The following ADCY10 variants were observed in gnomAD, a reference collection of about 807,000 sequenced individuals.
ADCY10 encodes adenylate cyclase type 10.
Under a neutral mutation model 183.3 loss-of-function variants are expected in ADCY10, and 156 were observed. The ratio of observed to expected loss-of-function variants is 0.85; its 90% CI spans 0.75 to 0.97. ADCY10 has a LOEUF of 0.97. Ranked by LOEUF, ADCY10 falls within the 50% of genes least tolerant of loss-of-function variation. The pLI is 0.00. For missense variants in ADCY10, 1,745 were observed against 1,934.3 expected (o/e 0.90, Z 1.84); for synonymous variants, 645 against 670.0 (o/e 0.96, Z 0.58).
At chr1:167,909,124 T>G (rs535682554) in intron 1 of ADCY10, among the ~76,000 whole-genome samples, 2 of 152,312 alleles carry the variant, frequency 1.3e-5, no homozygotes, top group East Asian at 3.9e-4. Context: ...ATAGATCACC[T>G]TTGCCAGTTT....
intron 25 of ADCY10, among the ~76,000 whole-genome samples, chr1:167,831,816 A>G (rs999747700): frequency 2.0e-5 from 3 of 152,214 alleles, no homozygotes; most frequent in Non-Finnish European, 4.4e-5. Context: ...TGATAGATGT[A>G]TACTAAAAAA....
In ADCY10 at chr1:167,883,501, A is replaced by C. The variant is rs1232759664; in HGVS notation, c.956T>G (p.Met319Arg). 1 of 1,614,252 alleles carries C rather than the reference A, an allele frequency of 6.2e-7. No homozygotes were observed. The highest frequency in any genetic ancestry group is 8.5e-7 in the Non-Finnish European group (1 of 1,180,044). The change falls in exon 9 of 33, where the codon ATG (methionine) becomes AGG (arginine). Residue 319 changes from methionine (M) to arginine (R), a missense_variant. Physicochemically the swap from Met to Arg is moderately conservative, Grantham distance 91 (BLOSUM62 -1). Coordinates refer to ENST00000367851, the MANE Select transcript of ADCY10 (RefSeq NM_018417.6). ...GATCTTCAGGACAGAAGTGATGTGC[A>C]TATAGGCATCCTGGATGGCTGGGCC... ...EIGPAIQDAY[M>R]HITSVLKIFQ...
rs988205974 is a variant in ADCY10 at position 167,880,519 on chromosome 1, C to T, written c.1111G>A (p.Asp371Asn). The change falls in exon 10 of 33, where the codon GAC (aspartate) becomes AAC (asparagine). Residue 371 changes from aspartate (D) to asparagine (N), a missense_variant. Transcript: ENST00000367851. ...HALECAMDIF[D>N]FCSQVHKIQT... ...ATTTTGTGGACTTGAGAGCAGAAGT[C>T]AAATATATCCATAGCACATTCCAGA... is the stretch of plus-strand genomic sequence containing the variant. 6.2e-7 allele frequency: 1 copy of T among 1,613,952 alleles called. No homozygotes were observed. Among genetic ancestry groups the T allele is most frequent in the Non-Finnish European group, 8.5e-7 (1 of 1,179,986 alleles).
intron 8 of ADCY10, 40 bp downstream of exon 8, chr1:167,893,813 C>T: frequency 7.0e-7 from 1 of 1,432,160 alleles, no homozygotes; most frequent in Non-Finnish European, 9.8e-7. Context: ...GTCCAGATCC[C>T]TGACATCCCC....
chr1:167,830,862 T>C (rs572079134), intron 25 of ADCY10, among the ~76,000 whole-genome samples: 2 of 152,320 alleles, frequency 1.3e-5, no homozygotes, highest in South Asian at 4.1e-4. Context: ...TTTGCCTCCT[T>C]TGGAAAGGCG....
intron 22 of ADCY10, 128 bp downstream of exon 22, chr1:167,837,121 C>G: frequency 1.3e-6 from 1 of 782,126 alleles, no homozygotes; most frequent in Non-Finnish European, 2.3e-6. Flanking sequence ...ACCATGCATA[C>G]CCCCCAAAGT....
In ADCY10 at chr1:167,896,581, T is replaced by C. The variant is rs376851497; in HGVS notation, c.739+14A>G. 2 of 1,594,526 alleles carry C rather than the reference T, an allele frequency of 1.3e-6. No homozygotes were observed. Among genetic ancestry groups the C allele is most frequent in the South Asian group, 1.1e-5 (1 of 90,708 alleles). On this transcript the variant is annotated intron_variant, in intron 7 of 32. Coordinates refer to ENST00000367851, the MANE Select transcript of ADCY10 (RefSeq NM_018417.6). The stretch of plus-strand genomic sequence containing the variant: ...TGGTAGAGGCAAAGGCATTTTTCCA[T>C]GGTGGGTACTTACTTTTGTGCTCAC...
intron 23 of ADCY10, 150 bp downstream of exon 23, chr1:167,836,159 C>T (rs1664174261): frequency 1.5e-6 from 1 of 687,456 alleles, no homozygotes; most frequent in Admixed American, 2.2e-5. Context: ...TAGATCATTT[C>T]CCTTCTAAGC....
Position 167,823,174 on chromosome 1 carries a change from C to T in ADCY10, c.4053-51G>A, listed in dbSNP as rs548855914. ...ATTAAAAAGTGGTGGATATTGTAATCCCAGCACTTTGGGAGGCTGAGGTGG... is the reference window on the plus strand; with the variant it reads ...ATTAAAAAGTGGTGGATATTGTAATTCCAGCACTTTGGGAGGCTGAGGTGG... On this transcript the variant is annotated intron_variant, in intron 28 of 32. Coordinates refer to ENST00000367851, the MANE Select transcript of ADCY10 (RefSeq NM_018417.6). 42 of 1,527,638 alleles carry T rather than the reference C, an allele frequency of 2.7e-5. No homozygotes were observed. In the African/African-American group the frequency reaches 4.8e-4, roughly 17 times the overall value. 94.6% of individuals were successfully genotyped at this position (1,527,638 alleles called of 1,614,324 possible).
chr1:167,878,731 T>C, intron 11 of ADCY10, 96 bp from the exon 12 acceptor site: 1 of 1,251,408 alleles, frequency 8.0e-7, no homozygotes, highest in Non-Finnish European at 1.1e-6. Context: ...TTTTTACCCT[T>C]TACTCCCTTT....
At chr1:167,901,354 GAAT>G (rs763696791) in intron 5 of ADCY10, among the ~76,000 whole-genome samples, 5 of 152,128 alleles carry the variant, frequency 3.3e-5, no homozygotes, top group Non-Finnish European at 7.3e-5. Context: ...CAGCAAGATG[GAAT>G]AATAATAACA....
chr1:167,813,643 T>C (rs1390509803), intron 31 of ADCY10, among the ~76,000 whole-genome samples: 1 of 152,208 alleles, frequency 6.6e-6, no homozygotes, highest in Non-Finnish European at 1.5e-5. Context: ...CAATTAAGTG[T>C]TATTGTAATA....
intron 19 of ADCY10, among the ~76,000 whole-genome samples, chr1:167,847,180 G>C (rs769231150): frequency 9.9e-5 from 15 of 151,948 alleles, no homozygotes; most frequent in Non-Finnish European, 1.9e-4. Context: ...ACCTGCCTCG[G>C]CCTCCCAAAG....
rs113525067 is a variant in ADCY10, at chr1:167,838,398, C to T, written c.3008-1080G>A. Reference sequence around the variant, plus strand: ...TGTTGTTAAAGTTACCTGTGGCCACCATGTTGCCACATCCAAAGGCTACAT... The same window carrying T: ...TGTTGTTAAAGTTACCTGTGGCCACTATGTTGCCACATCCAAAGGCTACAT... On this transcript the variant is annotated intron_variant, in intron 21 of 32. Transcript: ENST00000367851. 2.1e-3 allele frequency among the ~76,000 whole-genome samples: 322 copies of T among 152,316 alleles called. 1 individual carries two copies. The highest frequency in any genetic ancestry group is 0.01 in the Middle Eastern group (3 of 294).
chr1:167,848,446 G>C lies in ADCY10; in HGVS notation c.2352C>G (p.Leu784=). The C allele has an allele frequency of 6.2e-7, 1 of 1,613,638 alleles. No individual in the cohort carries two copies. ...CTTCTTCACTTTCCTTATCACTATG[G>C]AGAGTAACCATGTTTAACTTCTCTG... ...KLTEKLNMVT[L]HSDKESEEVC... is the part of the protein sequence containing the mutation. Residue 784 remains leucine (L), a synonymous_variant, in exon 19 of 33, where the codon CTC becomes CTG. Transcript: ENST00000367851.
chr1:167,846,589 T>C (rs1665046509), intron 19 of ADCY10, among the ~76,000 whole-genome samples: 1 of 152,208 alleles, frequency 6.6e-6, no homozygotes, highest in African/African-American at 2.4e-5. Context: ...GTAATCACTA[T>C]TGTCAGAAGG....
At chr1:167,893,573 G>C (rs1668742603) in intron 8 of ADCY10, among the ~76,000 whole-genome samples, 1 of 151,794 alleles carries the variant, frequency 6.6e-6, no homozygotes, top group Admixed American at 6.6e-5. Flanking sequence ...AGTTAGCTGG[G>C]TGTGGTGGCG....
intron 31 of ADCY10, among the ~76,000 whole-genome samples, chr1:167,813,733 G>C (rs1209299532): frequency 1.3e-5 from 2 of 152,172 alleles, no homozygotes; most frequent in Non-Finnish European, 2.9e-5. Context: ...AAAGCTAGTA[G>C]TATTGTAACT....
At chr1:167,822,196 C>A in intron 29 of ADCY10, 55 bp from the exon 30 acceptor site, 1 of 1,134,596 alleles carries the variant, frequency 8.8e-7, no homozygotes, top group South Asian at 1.2e-5. Context: ...GATCATCTTT[C>A]TAGCCTAGTC....
Sources: gnomAD v4.1 joint callset for allele counts (sites outside exome capture counted in the v4.1 genomes callset) on GRCh38, gnomAD v4.1.1 for gene constraint, MANE v1.5 for transcripts, NCBI Gene and HGNC (gene_info 2026-07-23, HGNC 2026-07-21) for gene names.